Variants in PRXL2C observed in about 807,000 individuals in gnomAD.
PRXL2C encodes peroxiredoxin-like 2C.
In PRXL2C, 38 loss-of-function variants were observed where a neutral mutation model predicts 24.9. The ratio of observed to expected loss-of-function variants is 1.53; its 90% CI spans 1.18 to 2.00. The LOEUF is 2.00. Among genes scored for constraint, PRXL2C ranks in the 30% most tolerant of loss-of-function variants. PRXL2C has a pLI of 0.00. For synonymous variants in PRXL2C, 98 were observed against 117.2 expected (o/e 0.84, Z 1.06); for missense variants, 294 against 290.9 (o/e 1.01, Z -0.08).
At chr9:96,642,472 TTC>T (rs1284807935) in intron 5 of PRXL2C, among the ~76,000 whole-genome samples, 5 of 152,162 alleles carry the variant, frequency 3.3e-5, no homozygotes, top group Non-Finnish European at 5.9e-5. Context: ...ACAATCTAGT[TTC>T]TGTTTGATTC....
chr9:96,654,081 C>T (rs1848313265), intron 2 of PRXL2C, among the ~76,000 whole-genome samples: 1 of 152,168 alleles, frequency 6.6e-6, no homozygotes, highest in Non-Finnish European at 1.5e-5. Flanking sequence ...ACCTCGTGAT[C>T]CGCCCTCCTC....
Position 96,653,070 on chromosome 9 carries a change from C to CA in PRXL2C, c.262-1359dup, listed in dbSNP as rs538642699. ...GTGAAACCCGTCTCTACTAAAAATA[C>CA]AAAAAATTAGCCGGGCGTGGTGGCG... On this transcript the variant is annotated intron_variant, in intron 2 of 5. Coordinates refer to ENST00000375234, the MANE Select transcript of PRXL2C (RefSeq NM_153698.2). Among the ~76,000 whole-genome samples, 651 of 151,966 alleles carry CA rather than the reference C, an allele frequency of 4.3e-3. 9 individuals carry two copies. Among genetic ancestry groups the CA allele is most frequent in the South Asian group, 0.025 (119 of 4,814 alleles).
At chr9:96,646,827 G>A (rs954187382) in intron 4 of PRXL2C, among the ~76,000 whole-genome samples, 10 of 152,058 alleles carry the variant, frequency 6.6e-5, no homozygotes, top group African/African-American at 1.9e-4. Flanking sequence ...TTTCACTCTC[G>A]TTGCCCAGGA....
chr9:96,655,254 G>T lies in PRXL2C; in HGVS notation c.28C>A (p.Gln10Lys). The change falls in exon 1 of 6, where the codon CAG (glutamine) becomes AAG (lysine). Residue 10 changes from glutamine to lysine, a missense_variant. Coordinates refer to ENST00000375234, the MANE Select transcript of PRXL2C (RefSeq NM_153698.2). ...ACCAGGGCGGCGGCGCCGCTAACCT[G>T]CCGCGTGACCGGGGCCGGCGCGGCC... MAAPAPVTR[Q>K]VSGAAALVPA... 9.0e-7 allele frequency: 1 copy of T among 1,109,760 alleles called. No homozygotes were observed. Among genetic ancestry groups the T allele is most frequent in the Non-Finnish European group, 1.1e-6 (1 of 911,156 alleles). The allele number at this position is 1,109,760 out of a possible 1,614,324, so 68.7% of individuals were successfully genotyped here.
chr9:96,651,396 A>G lies in PRXL2C; in HGVS notation c.415T>C (p.Ser139Pro), dbSNP rs776702665. ...LGMKRGEEIA[S>P]SGQSPHIKSN... ...GAGACATGTTATGTCTTACCTGAGG[A>G]AGCAATTTCTTCACCTCTTTTCATT... Residue 139 changes from serine (S) to proline (P), a missense_variant, in exon 4 of 6, where the codon TCC becomes CCC. Transcript: ENST00000375234. 1 of 1,607,656 alleles carries G rather than the reference A, an allele frequency of 6.2e-7. No individual in the cohort carries two copies. Among genetic ancestry groups the G allele is most frequent in the Non-Finnish European group, 8.5e-7 (1 of 1,176,258 alleles).
At chr9:96,654,468 C>A (rs1453083428) in intron 2 of PRXL2C, among the ~76,000 whole-genome samples, 1 of 152,242 alleles carries the variant, frequency 6.6e-6, no homozygotes, top group South Asian at 2.1e-4. Context: ...TGAGAACAGG[C>A]ACTAGGTTAC....
At chr9:96,647,765 T>C (rs1476493215) in intron 4 of PRXL2C, among the ~76,000 whole-genome samples, 1 of 151,912 alleles carries the variant, frequency 6.6e-6, no homozygotes, top group Non-Finnish European at 1.5e-5. Context: ...TGGCCTCAAG[T>C]GATCCTCCCA....
At chr9:96,653,517 C>T (rs998955150) in intron 2 of PRXL2C, among the ~76,000 whole-genome samples, 32 of 152,150 alleles carry the variant, frequency 2.1e-4, no homozygotes, top group Admixed American at 2.0e-4. Context: ...TAGAGATCTG[C>T]TGCACACCAT....
At chr9:96,642,348 C>A (rs1278548567) in intron 5 of PRXL2C, among the ~76,000 whole-genome samples, 1 of 151,884 alleles carries the variant, frequency 6.6e-6, no homozygotes, top group Non-Finnish European at 1.5e-5. Context: ...TAACCATAGC[C>A]CAAAAGAGGC....
chr9:96,644,131 C>CAAA (rs541207643), intron 5 of PRXL2C, among the ~76,000 whole-genome samples: 1 of 58,242 alleles, frequency 1.7e-5, no homozygotes, highest in Admixed American at 1.7e-4. Flanking sequence ...GGCTCTGTCT[C>CAAA]AAAAAAAAAA....
intron 1 of PRXL2C, 112 bp from the exon 2 acceptor site, chr9:96,654,885 C>G: frequency 8.0e-7 from 1 of 1,243,312 alleles, no homozygotes; most frequent in Non-Finnish European, 1.1e-6. Context: ...CCCGCGGGGC[C>G]GGGACCGGCG....
At chr9:96,642,459 T>C (rs1848131361) in intron 5 of PRXL2C, among the ~76,000 whole-genome samples, 1 of 152,188 alleles carries the variant, frequency 6.6e-6, no homozygotes, top group African/African-American at 2.4e-5. Flanking sequence ...TAATCATAAA[T>C]TTACAATCTA....
rs943893577 is a variant in PRXL2C at position 96,640,315 on chromosome 9, G to C, written c.*1444C>G. ...AGGCCGAGGCAGACGGATCACCTGA[G>C]GTATGGAGTTCGAGACCAGCCTGGC... On this transcript the variant is annotated 3_prime_UTR_variant, in exon 6 of 6. Transcript: ENST00000375234. The C allele has an allele frequency of 3.3e-5, 5 of 150,570 alleles. No individual in the cohort carries two copies. The highest frequency in any genetic ancestry group is 1.2e-4 in the African/African-American group (5 of 40,854). 9.3% of individuals were successfully genotyped at this position (150,570 alleles called of 1,614,324 possible).
intron 5 of PRXL2C, 95 bp downstream of exon 5, chr9:96,645,796 CGA>C: frequency 1.7e-6 from 2 of 1,203,648 alleles, no homozygotes; most frequent in Non-Finnish European, 2.3e-6. Context: ...GACTCCCTCT[CGA>C]AAAAAAAAAA....
intron 4 of PRXL2C, among the ~76,000 whole-genome samples, 180 bp from the exon 5 acceptor site, chr9:96,646,204 T>A (rs570044944): frequency 3.3e-5 from 5 of 152,322 alleles, no homozygotes; most frequent in Admixed American, 3.3e-4. Context: ...TTTTGCAACA[T>A]CCTTGCCTTC....
At chr9:96,654,605 A>C in intron 2 of PRXL2C, 100 bp downstream of exon 2, 2 of 1,068,384 alleles carry the variant, frequency 1.9e-6, no homozygotes, top group Non-Finnish European at 2.8e-6. Context: ...GGGGAGGGGC[A>C]ATCCAGGCTG....
rs59028960 is a variant in PRXL2C, at chr9:96,640,093, C to CAA, written c.*1664_*1665dup. On this transcript the variant is annotated 3_prime_UTR_variant, in exon 6 of 6. Coordinates refer to ENST00000375234, the MANE Select transcript of PRXL2C (RefSeq NM_153698.2). ...GTGCAACAAGAGTGAAACTCCGTCTCAAAAAAAAAAAAAAAATTCTAGAAA... is the reference window on the plus strand; with the variant it reads ...GTGCAACAAGAGTGAAACTCCGTCTCAAAAAAAAAAAAAAAAAATTCTAGAAA... The CAA allele has an allele frequency of 0.027, 2,972 of 111,286 alleles. 108 individuals carry two copies. Among genetic ancestry groups the CAA allele is most frequent in the African/African-American group, 0.083 (2,751 of 33,240 alleles). The allele number at this position is 111,286 out of a possible 1,614,324, so 6.9% of individuals were successfully genotyped here. A position where few individuals can be genotyped will look rare whatever the true frequency, so the allele number is the denominator to read the frequency against.
At chr9:96,650,912 T>C (rs945330665) in intron 4 of PRXL2C, among the ~76,000 whole-genome samples, 2 of 152,138 alleles carry the variant, frequency 1.3e-5, no homozygotes, top group Non-Finnish European at 2.9e-5. Flanking sequence ...TGAATAGTGC[T>C]TTGCTAACAG....
At chr9:96,644,472 C>T (rs1406382609) in intron 5 of PRXL2C, among the ~76,000 whole-genome samples, 3 of 152,120 alleles carry the variant, frequency 2.0e-5, no homozygotes, top group Non-Finnish European at 4.4e-5. Flanking sequence ...GGCTTATAGT[C>T]GGACCTCAAT....
Sources: allele counts gnomAD v4.1 joint callset (sites outside exome capture counted in the v4.1 genomes callset), GRCh38; gene constraint gnomAD v4.1.1; transcripts MANE v1.5; gene names NCBI Gene and HGNC (gene_info 2026-07-23, HGNC 2026-07-21).